The following GRID1 variants were observed in gnomAD, a reference collection of about 807,000 sequenced individuals.
The protein encoded by GRID1 is glutamate ionotropic receptor delta type subunit 1, also known as glutamate receptor ionotropic, delta-1.
A neutral mutation model predicts 98.0 loss-of-function variants in GRID1; 28 were observed. That is an observed-to-expected ratio of 0.29 (90% confidence interval 0.21 to 0.39). The LOEUF (loss-of-function observed/expected upper bound fraction) is 0.39, where lower values mean the gene tolerates loss of function less well. Among genes scored for constraint, GRID1 ranks in the 10% least tolerant of loss-of-function variants. The probability of loss-of-function intolerance (pLI) is 1.00; values close to 1 mark genes in which losing one functional copy is unlikely to be tolerated. For synonymous variants in GRID1, 553 were observed against 538.5 expected, an observed-to-expected ratio of 1.03 and a Z score of -0.37; for missense variants, 1,111 against 1,340.5, an observed-to-expected ratio of 0.83 and a Z score of 2.67.
chr10:86,265,983 C>G (rs1847097333), intron 2 of GRID1, among the ~76,000 whole-genome samples: 1 of 152,142 alleles, frequency 6.6e-6, no homozygotes, highest in Non-Finnish European at 1.5e-5. Flanking sequence ...CCCTTCAGCC[C>G]TCTGAGATCC....
chr10:86,330,065 C>T (rs1337860376), intron 2 of GRID1, among the ~76,000 whole-genome samples: 1 of 152,148 alleles, frequency 6.6e-6, no homozygotes, highest in East Asian at 1.9e-4. Flanking sequence ...TCCCCTCCCC[C>T]ATCCCAGTAG....
intron 4 of GRID1, among the ~76,000 whole-genome samples, chr10:85,968,748 A>G (rs146010093): frequency 6.6e-5 from 10 of 152,340 alleles, no homozygotes; most frequent in Non-Finnish European, 1.0e-4. Flanking sequence ...ATTAGAAAAT[A>G]TATATTGAAT....
At chr10:85,762,734 T>C (rs1212964348) in intron 8 of GRID1, among the ~76,000 whole-genome samples, 1 of 152,044 alleles carries the variant, frequency 6.6e-6, no homozygotes, top group Non-Finnish European at 1.5e-5. Context: ...GAGAAGAAAG[T>C]CCCCCTGTCT....
intron 5 of GRID1, among the ~76,000 whole-genome samples, chr10:85,878,411 C>G (rs1428739552): frequency 2.6e-5 from 4 of 152,218 alleles, no homozygotes; most frequent in African/African-American, 4.8e-5. Context: ...ATCAGACTAA[C>G]AGCAGATCTC....
chr10:85,669,334 C>T (rs1841059348), intron 12 of GRID1, among the ~76,000 whole-genome samples: 1 of 152,220 alleles, frequency 6.6e-6, no homozygotes, highest in African/African-American at 2.4e-5. Flanking sequence ...TCTTCATAAT[C>T]ACCACCTATG....
chr10:85,825,574 TTAGTG>T (rs1275979632), intron 8 of GRID1, among the ~76,000 whole-genome samples: 14 of 152,198 alleles, frequency 9.2e-5, no homozygotes, highest in South Asian at 2.1e-4. Context: ...CTTTTCAGTG[TTAGTG>T]TGGAAAAGGT....
chr10:85,733,769 G>C (rs1239381796), intron 8 of GRID1, among the ~76,000 whole-genome samples: 1 of 151,928 alleles, frequency 6.6e-6, no homozygotes, highest in Non-Finnish European at 1.5e-5. Flanking sequence ...AAAGAACCAG[G>C]ATATAAAACT....
chr10:85,638,537 A>T (rs572303842), intron 13 of GRID1, among the ~76,000 whole-genome samples: 1 of 152,338 alleles, frequency 6.6e-6, no homozygotes, highest in South Asian at 2.1e-4. Flanking sequence ...CCAGAAATAG[A>T]CCAACACATA....
chr10:86,106,947 C>T (rs76189908), intron 4 of GRID1, among the ~76,000 whole-genome samples: 148 of 152,106 alleles, frequency 9.7e-4, no homozygotes, highest in Non-Finnish European at 1.6e-3. Context: ...TGAAGTTCTA[C>T]GAGAGAGGAC....
At chr10:85,820,229 T>C (rs912966720) in intron 8 of GRID1, among the ~76,000 whole-genome samples, 6 of 151,304 alleles carry the variant, frequency 4.0e-5, no homozygotes, top group African/African-American at 1.2e-4. Flanking sequence ...ACAAAATACC[T>C]GATAAATACT....
At chr10:85,623,981 T>C (rs1842884013) in intron 13 of GRID1, among the ~76,000 whole-genome samples, 1 of 152,196 alleles carries the variant, frequency 6.6e-6, no homozygotes, top group Non-Finnish European at 1.5e-5. Context: ...CCAGAGTCCC[T>C]TGACCAAGTG....
rs992506602 is a variant in GRID1, at chr10:85,613,125, C to T, written c.2601+282G>A. 31 of 437,754 alleles carry T rather than the reference C, an allele frequency of 7.1e-5. No individual in the cohort carries two copies. In the East Asian group the frequency reaches 9.9e-4, roughly 14 times the overall value. The allele number at this position is 437,754 out of a possible 1,614,324, so 27.1% of individuals were successfully genotyped here. A position where few individuals can be genotyped will look rare whatever the true frequency, so the allele number is the denominator to read the frequency against. On this transcript the variant is annotated intron_variant, in intron 15 of 15. Transcript: ENST00000327946. ...GGCAGGGTAGGGAAGGGCTCTCTGG[C>T]GCTGCCCACGCTGTACCTGCTCTAT...
intron 8 of GRID1, among the ~76,000 whole-genome samples, chr10:85,754,932 A>G (rs2132690759): frequency 6.6e-6 from 1 of 152,312 alleles, no homozygotes; most frequent in East Asian, 1.9e-4. Context: ...TGGAGGTACT[A>G]AATTTATTTT....
intron 15 of GRID1, among the ~76,000 whole-genome samples, chr10:85,609,808 C>T (rs1211163636): frequency 6.6e-6 from 1 of 152,214 alleles, no homozygotes; most frequent in African/African-American, 2.4e-5. Context: ...GTGCAGTTCT[C>T]ATCTTTATTT....
intron 12 of GRID1, among the ~76,000 whole-genome samples, chr10:85,670,686 C>T (rs554089834): frequency 1.3e-5 from 2 of 152,258 alleles, no homozygotes; most frequent in Non-Finnish European, 2.9e-5. Flanking sequence ...TGTTCCCACC[C>T]TTCAGCCCAC....
chr10:85,700,721 G>A (rs1434048744), intron 12 of GRID1, among the ~76,000 whole-genome samples: 1 of 152,122 alleles, frequency 6.6e-6, no homozygotes, highest in Non-Finnish European at 1.5e-5. Flanking sequence ...CCTCCTCAAT[G>A]AACATACCTC....
intron 4 of GRID1, among the ~76,000 whole-genome samples, chr10:86,087,500 G>GTGTGTGTGTC (rs1234917483): frequency 1.7e-4 from 25 of 146,000 alleles, no homozygotes; most frequent in African/African-American, 6.5e-4. Flanking sequence ...ATCCAAGTGT[G>GTGTGTGTGTC]TGTGTGTGTC....
intron 4 of GRID1, among the ~76,000 whole-genome samples, chr10:86,055,104 A>T (rs753394428): frequency 6.6e-6 from 1 of 152,222 alleles, no homozygotes; most frequent in South Asian, 2.1e-4. Flanking sequence ...GACCACAGAC[A>T]TCAGTGACCT....
intron 2 of GRID1, among the ~76,000 whole-genome samples, chr10:86,283,462 A>G (rs905386546): frequency 2.0e-5 from 3 of 152,150 alleles, no homozygotes; most frequent in Non-Finnish European, 2.9e-5. Context: ...CTGTCCTGCT[A>G]GAGAAGGAGG....
Sources: allele counts gnomAD v4.1 joint callset (sites outside exome capture counted in the v4.1 genomes callset), GRCh38; gene constraint gnomAD v4.1.1; transcripts MANE v1.5; gene names NCBI Gene and HGNC (gene_info 2026-07-23, HGNC 2026-07-21).